NKAIN2: variants seen among roughly 807,000 people sequenced by gnomAD.
NKAIN2 encodes the protein sodium/potassium transporting ATPase interacting 2, also known as sodium/potassium-transporting ATPase subunit beta-1-interacting protein 2.
A neutral mutation model predicts 32.6 loss-of-function variants in NKAIN2; 14 were observed. The observed-to-expected ratio is 0.43, with a 90% CI of 0.28 to 0.67. The LOEUF is 0.67. Ranked by LOEUF, NKAIN2 falls within the 30% of genes least tolerant of loss-of-function variation. The pLI, the probability that NKAIN2 is intolerant of heterozygous loss-of-function variation, is 0.17. For synonymous variants in NKAIN2, 80 were observed against 87.2 expected, an observed-to-expected ratio of 0.92 and a Z score of 0.46; for missense variants, 198 against 258.3, an observed-to-expected ratio of 0.77 and a Z score of 1.60.
At chr6:124,498,996 G>T (rs1178959470) in intron 3 of NKAIN2, among the ~76,000 whole-genome samples, 1 of 152,042 alleles carries the variant, frequency 6.6e-6, no homozygotes, top group African/African-American at 2.4e-5. Context: ...TCAAACTCCT[G>T]AGCTCAAGTG....
At chr6:124,253,180 T>C (rs1053412372) in intron 1 of NKAIN2, among the ~76,000 whole-genome samples, 1 of 152,154 alleles carries the variant, frequency 6.6e-6, no homozygotes, top group African/African-American at 2.4e-5. Context: ...GCCAGTAATG[T>C]TTATAAATTT....
In NKAIN2 at chr6:124,205,928, G is replaced by A. The variant is rs569912973; in HGVS notation, c.55-77077G>A. Among the ~76,000 whole-genome samples the A allele has an allele frequency of 3.3e-5, 5 of 151,968 alleles. No homozygotes were observed. In the East Asian group the frequency reaches 9.7e-4, roughly 29 times the overall value. On this transcript the variant is annotated intron_variant, in intron 1 of 6. Transcript: ENST00000368417. ...TGTTATCCGTAATATACCTTAGTATGTATCTGTGGAAGCATTCTACAAAGA... is the reference window on the plus strand; with the variant it reads ...TGTTATCCGTAATATACCTTAGTATATATCTGTGGAAGCATTCTACAAAGA...
At chr6:124,146,209 C>A (rs1374173006) in intron 1 of NKAIN2, among the ~76,000 whole-genome samples, 1 of 151,492 alleles carries the variant, frequency 6.6e-6, no homozygotes, top group African/African-American at 2.4e-5. Flanking sequence ...AACACATTTG[C>A]AAGATTTACA....
At chr6:124,808,313 T>A (rs1047670180) in intron 5 of NKAIN2, among the ~76,000 whole-genome samples, 5 of 151,948 alleles carry the variant, frequency 3.3e-5, no homozygotes, top group African/African-American at 1.2e-4. Context: ...ATCCCTGGGA[T>A]GCAAGGCTGG....
At chr6:124,460,288 A>G (rs1418667234) in intron 3 of NKAIN2, among the ~76,000 whole-genome samples, 1 of 151,694 alleles carries the variant, frequency 6.6e-6, no homozygotes, top group Non-Finnish European at 1.5e-5. Flanking sequence ...TCCTTTAACA[A>G]TGTTCATTTA....
At chr6:124,779,161 T>C (rs887783378) in intron 4 of NKAIN2, among the ~76,000 whole-genome samples, 1 of 151,452 alleles carries the variant, frequency 6.6e-6, no homozygotes, top group African/African-American at 2.4e-5. Flanking sequence ...GGAGAATCAG[T>C]TGAGCCCTGG....
intron 1 of NKAIN2, among the ~76,000 whole-genome samples, chr6:123,833,727 T>TGTGTGTGTG (rs1562207741): frequency 3.6e-5 from 3 of 84,024 alleles, no homozygotes; most frequent in African/African-American, 1.4e-4. Context: ...GTGTGTGTGT[T>TGTGTGTGTG]TCCTGTGGAT....
chr6:124,565,702 T>G (rs1313157103), intron 3 of NKAIN2, among the ~76,000 whole-genome samples: 1 of 152,118 alleles, frequency 6.6e-6, no homozygotes, highest in Admixed American at 6.5e-5. Flanking sequence ...TTAGGTAAAT[T>G]TAAGTAACCA....
chr6:124,318,599 T>A (rs184289865), intron 2 of NKAIN2, among the ~76,000 whole-genome samples: 2 of 152,198 alleles, frequency 1.3e-5, no homozygotes, highest in Admixed American at 1.3e-4. Context: ...ATTTGTTTTC[T>A]TTACTTCAAC....
At position 124,744,375 on chromosome 6, in the gene NKAIN2, A is replaced by G. The variant is rs78457030; in HGVS notation, c.475-46964A>G. 6.7e-3 allele frequency among the ~76,000 whole-genome samples: 1,014 copies of G among 152,030 alleles called. 5 individuals are homozygous for G. The highest frequency in any genetic ancestry group is 0.011 in the Non-Finnish European group (736 of 67,880). ...GAGTGACTTATGACAGTGATTGTATATAACTTTTCTAGTTACTTACATTCT... is the reference window on the plus strand; with the variant it reads ...GAGTGACTTATGACAGTGATTGTATGTAACTTTTCTAGTTACTTACATTCT... On this transcript the variant is annotated intron_variant, in intron 4 of 6. Transcript: ENST00000368417.
At chr6:124,415,788 A>C in intron 3 of NKAIN2, among the ~76,000 whole-genome samples, 1 of 151,972 alleles carries the variant, frequency 6.6e-6, no homozygotes, top group African/African-American at 2.4e-5. Flanking sequence ...TAGGCCTGGA[A>C]ATGGGGTCAA....
chr6:123,907,353 G>A (rs967869361), intron 1 of NKAIN2, among the ~76,000 whole-genome samples: 11 of 151,902 alleles, frequency 7.2e-5, no homozygotes, highest in African/African-American at 2.7e-4. Context: ...AGTTCTTTTA[G>A]ATCTAACATT....
intron 3 of NKAIN2, among the ~76,000 whole-genome samples, chr6:124,395,523 A>G (rs982662357): frequency 2.6e-5 from 4 of 152,186 alleles, no homozygotes; most frequent in African/African-American, 9.6e-5. Flanking sequence ...GAGATAAAAG[A>G]AATGGTTAAT....
At chr6:124,608,928 T>C (rs1462141832) in intron 3 of NKAIN2, among the ~76,000 whole-genome samples, 4 of 152,190 alleles carry the variant, frequency 2.6e-5, no homozygotes, top group Non-Finnish European at 5.9e-5. Context: ...AGGCAATATA[T>C]GTATCCATGA....
At chr6:123,872,383 T>A (rs967747120) in intron 1 of NKAIN2, among the ~76,000 whole-genome samples, 1 of 152,242 alleles carries the variant, frequency 6.6e-6, no homozygotes, top group Non-Finnish European at 1.5e-5. Context: ...TTTACAACCG[T>A]GTGCATTTTA....
At chr6:123,849,973 T>TTTTTTTTG (rs1775259653) in intron 1 of NKAIN2, among the ~76,000 whole-genome samples, 2 of 145,462 alleles carry the variant, frequency 1.4e-5, no homozygotes, top group African/African-American at 5.2e-5. Context: ...TTTGTTTGTT[T>TTTTTTTTG]TTTTTTTAAC....
At chr6:124,028,916 T>TAC (rs1781278364) in intron 1 of NKAIN2, among the ~76,000 whole-genome samples, 1 of 15,688 alleles carries the variant, frequency 6.4e-5, no homozygotes, top group Non-Finnish European at 1.0e-4. Flanking sequence ...CATATATGTA[T>TAC]ATATATGTGT....
chr6:124,706,600 A>G (rs1775080717), intron 4 of NKAIN2, among the ~76,000 whole-genome samples: 2 of 152,176 alleles, frequency 1.3e-5, no homozygotes, highest in Admixed American at 6.5e-5. Flanking sequence ...CAAACAGGGC[A>G]GACTCAAAGA....
chr6:124,493,352 A>G (rs997500867), intron 3 of NKAIN2, among the ~76,000 whole-genome samples: 1 of 151,992 alleles, frequency 6.6e-6, no homozygotes, highest in Non-Finnish European at 1.5e-5. Flanking sequence ...AAAAAGGACA[A>G]TCATAAGAAA....
Sources: allele counts gnomAD v4.1 joint callset (sites outside exome capture counted in the v4.1 genomes callset), GRCh38; gene constraint gnomAD v4.1.1; transcripts MANE v1.5; gene names NCBI Gene and HGNC (gene_info 2026-07-23, HGNC 2026-07-21).